RBFOX1: variants seen among roughly 807,000 people sequenced by gnomAD.
RBFOX1 encodes the protein RNA binding protein fox-1 homolog 1.
In RBFOX1, 8 loss-of-function variants were observed where a neutral mutation model predicts 57.7. The observed-to-expected ratio is 0.14, with a 90% CI of 0.08 to 0.25. The LOEUF is 0.25. Among genes scored for constraint, RBFOX1 ranks in the 10% least tolerant of loss-of-function variants. The pLI, the probability that RBFOX1 is intolerant of heterozygous loss-of-function variation, is 1.00. For missense variants in RBFOX1, 611 were observed against 548.5 expected, an observed-to-expected ratio of 1.11 and a Z score of -1.14; for synonymous variants, 326 against 222.4, an observed-to-expected ratio of 1.47 and a Z score of -4.15.
rs887500686 is a variant in RBFOX1 at position 6,655,652 on chromosome 16, C to T, written c.-16+1002C>T. On this transcript the variant is annotated intron_variant, in intron 3 of 15. Transcript: ENST00000550418. ...TCACAGACATTTCTGCAGCAAAGCA[C>T]ATCCAAGAAGATCAGATTTTACCCT... 3.3e-5 allele frequency among the ~76,000 whole-genome samples: 5 copies of T among 152,146 alleles called. No individual in the cohort carries two copies. In the South Asian group the frequency reaches 8.3e-4, roughly 25 times the overall value.
intron 4 of RBFOX1, among the ~76,000 whole-genome samples, chr16:7,271,334 G>C (rs1049918060): frequency 6.6e-6 from 1 of 151,630 alleles, no homozygotes; most frequent in Non-Finnish European, 1.5e-5. Flanking sequence ...GCAACAACTG[G>C]ATCTTTGTTA....
chr16:7,043,170 G>A (rs2046755846), intron 3 of RBFOX1, among the ~76,000 whole-genome samples: 1 of 152,074 alleles, frequency 6.6e-6, no homozygotes, highest in Non-Finnish European at 1.5e-5. Context: ...AAGGGTCTCA[G>A]CTCCAGAAAC....
intron 3 of RBFOX1, among the ~76,000 whole-genome samples, chr16:6,851,104 A>C (rs1396073435): frequency 6.6e-6 from 1 of 152,018 alleles, no homozygotes; most frequent in East Asian, 1.9e-4. Context: ...GGTGAGTTTC[A>C]CTCCCTTGTG....
At chr16:6,195,993 C>G (rs186658286) in intron 1 of RBFOX1, among the ~76,000 whole-genome samples, 1 of 152,250 alleles carries the variant, frequency 6.6e-6, no homozygotes, top group East Asian at 1.9e-4. Flanking sequence ...AAGTAAGAAT[C>G]ATAAAGACTA....
intron 4 of RBFOX1, among the ~76,000 whole-genome samples, chr16:7,197,998 CTTTTTT>C (rs945404947): frequency 5.4e-5 from 3 of 55,592 alleles, no homozygotes; most frequent in African/African-American, 2.2e-4. Flanking sequence ...TTCTTTCTTT[CTTTTTT>C]TTTTTTTTTT....
chr16:7,600,192 A>C (rs1168421093), intron 9 of RBFOX1, among the ~76,000 whole-genome samples: 1 of 152,206 alleles, frequency 6.6e-6, no homozygotes, highest in African/African-American at 2.4e-5. Context: ...ACGTACCTGC[A>C]AAAGGGAACT....
rs919951631 is a variant in RBFOX1 at position 5,909,224 on chromosome 16, C to T, written c.351+41889C>T. Among the ~76,000 whole-genome samples, 72 of 151,332 alleles carry T rather than the reference C, an allele frequency of 4.8e-4. 2 individuals carry two copies. Among genetic ancestry groups the T allele is most frequent in the Admixed American group, 4.6e-3 (70 of 15,150 alleles). ...TCTCCTGCTTCAGCCTCCCGAGTAG[C>T]TGGGACTACAGGCACCCACCACCAC... On this transcript the variant is annotated intron_variant, in intron 4 of 19. Transcript: ENST00000641259.
intron 4 of RBFOX1, among the ~76,000 whole-genome samples, chr16:7,293,335 C>A (rs113893062): frequency 1.3e-5 from 2 of 152,114 alleles, no homozygotes; most frequent in Non-Finnish European, 2.9e-5. Flanking sequence ...TAAGCAAATA[C>A]TACACATCTG....
At chr16:5,701,756 C>T (rs952210337) in intron 3 of RBFOX1, among the ~76,000 whole-genome samples, 1 of 152,166 alleles carries the variant, frequency 6.6e-6, no homozygotes, top group African/African-American at 2.4e-5. Flanking sequence ...CTTTGATGAC[C>T]ATCTTACCAG....
At chr16:6,493,303 T>C (rs945878550) in intron 2 of RBFOX1, among the ~76,000 whole-genome samples, 1 of 152,142 alleles carries the variant, frequency 6.6e-6, no homozygotes. Context: ...TGGTGGGGTG[T>C]TGGAATTTCC....
At chr16:5,707,551 G>A (rs901859658) in intron 3 of RBFOX1, among the ~76,000 whole-genome samples, 2 of 152,114 alleles carry the variant, frequency 1.3e-5, no homozygotes, top group Admixed American at 1.3e-4. Flanking sequence ...CATTGAGATA[G>A]GCAAATATCA....
At chr16:7,081,223 C>T (rs1339900991) in intron 4 of RBFOX1, among the ~76,000 whole-genome samples, 1 of 152,176 alleles carries the variant, frequency 6.6e-6, no homozygotes, top group Non-Finnish European at 1.5e-5. Context: ...TTAGTGGAGG[C>T]AGGGTTTCGC....
intron 2 of RBFOX1, among the ~76,000 whole-genome samples, chr16:5,489,097 C>G (rs2042740833): frequency 3.9e-5 from 6 of 152,242 alleles, no homozygotes; most frequent in Admixed American, 3.9e-4. Flanking sequence ...GCAGCAGTGT[C>G]AGACGCTGCC....
intron 4 of RBFOX1, among the ~76,000 whole-genome samples, chr16:7,383,019 C>T (rs191058261): frequency 2.8e-3 from 431 of 151,916 alleles, no homozygotes; most frequent in Non-Finnish European, 5.1e-3. Context: ...GTAAGCAAGG[C>T]CAGAAAATGC....
At chr16:6,762,544 T>C (rs1378374055) in intron 3 of RBFOX1, among the ~76,000 whole-genome samples, 2 of 152,322 alleles carry the variant, frequency 1.3e-5, no homozygotes, top group African/African-American at 4.8e-5. Flanking sequence ...ACGGTCGTTA[T>C]GTTCAAAGGT....
intron 2 of RBFOX1, among the ~76,000 whole-genome samples, chr16:6,355,674 G>A (rs556777975): frequency 1.3e-5 from 2 of 152,070 alleles, no homozygotes; most frequent in Non-Finnish European, 2.9e-5. Flanking sequence ...TGGGTCAAAT[G>A]GTATTTCTAG....
chr16:7,524,575 C>T, intron 5 of RBFOX1, among the ~76,000 whole-genome samples: 1 of 152,198 alleles, frequency 6.6e-6, no homozygotes, highest in South Asian at 2.1e-4. Context: ...AACGCTTCTG[C>T]AGTCTGTTGA....
chr16:7,009,909 A>G (rs761235884), intron 3 of RBFOX1, among the ~76,000 whole-genome samples: 1 of 152,228 alleles, frequency 6.6e-6, no homozygotes, highest in East Asian at 1.9e-4. Flanking sequence ...AACAAGTTTA[A>G]TAATTTATAA....
chr16:6,166,891 A>C (rs1173533464), intron 1 of RBFOX1, among the ~76,000 whole-genome samples: 2 of 152,082 alleles, frequency 1.3e-5, no homozygotes, highest in Non-Finnish European at 2.9e-5. Context: ...CTTCCGCCTC[A>C]GCCTCCCAAG....
Sources: gnomAD v4.1 joint callset for allele counts (sites outside exome capture counted in the v4.1 genomes callset) on GRCh38, gnomAD v4.1.1 for gene constraint, MANE v1.5 for transcripts, NCBI Gene and HGNC (gene_info 2026-07-23, HGNC 2026-07-21) for gene names.